Variants in PRKD1 observed in about 807,000 individuals in gnomAD.
PRKD1 encodes protein kinase D1.
In PRKD1, 63 loss-of-function variants were observed where a neutral mutation model predicts 95.9. The ratio of observed to expected loss-of-function variants is 0.66; its 90% CI spans 0.54 to 0.81. The LOEUF (loss-of-function observed/expected upper bound fraction) is 0.81, where lower values mean the gene tolerates loss of function less well. PRKD1 is among the 30% of genes least tolerant of loss of function. PRKD1 has a pLI of 0.00. For synonymous variants in PRKD1, 425 were observed against 423.1 expected (o/e 1.00, Z -0.05); for missense variants, 1,048 against 1,165.3 (o/e 0.90, Z 1.47).
intron 1 of PRKD1, among the ~76,000 whole-genome samples, chr14:29,727,586 G>C (rs997613318): frequency 6.6e-6 from 1 of 150,778 alleles, no homozygotes; most frequent in African/African-American, 2.4e-5. Context: ...GTGTAAGGAA[G>C]GGATCCAGTT....
chr14:29,672,202 G>A (rs1042780587), intron 2 of PRKD1, among the ~76,000 whole-genome samples: 1 of 151,960 alleles, frequency 6.6e-6, no homozygotes, highest in African/African-American at 2.4e-5. Flanking sequence ...TTGGCCGGGC[G>A]TGGTGGTGGG....
At chr14:29,900,928 T>G (rs1894296869) in intron 1 of PRKD1, among the ~76,000 whole-genome samples, 1 of 152,190 alleles carries the variant, frequency 6.6e-6, no homozygotes, top group Non-Finnish European at 1.5e-5. Flanking sequence ...GGAAAGCAAT[T>G]TGGAGATTTC....
At chr14:29,606,979 C>A (rs1878021849) in intron 13 of PRKD1, among the ~76,000 whole-genome samples, 1 of 152,158 alleles carries the variant, frequency 6.6e-6, no homozygotes, top group Non-Finnish European at 1.5e-5. Flanking sequence ...TATCTAAACT[C>A]TCTGAGGTGC....
At chr14:29,633,324 A>G (rs1880153215) in intron 8 of PRKD1, among the ~76,000 whole-genome samples, 1 of 152,236 alleles carries the variant, frequency 6.6e-6, no homozygotes, top group Non-Finnish European at 1.5e-5. Context: ...TGCAATGTTT[A>G]TTATGCATGC....
intron 2 of PRKD1, among the ~76,000 whole-genome samples, chr14:29,723,012 G>C (rs2139387473): frequency 6.6e-6 from 1 of 152,248 alleles, no homozygotes; most frequent in East Asian, 1.9e-4. Flanking sequence ...GAGAAGAGGA[G>C]TGCTACCAAG....
Position 29,914,195 on chromosome 14 carries a change from G to A in PRKD1, c.264+13054C>T, listed in dbSNP as rs112218437. The stretch of plus-strand genomic sequence containing the variant: ...GAGGAAAGTACAATTAGTCTACGAG[G>A]GAAGTTACGTGTTGGCATTAGCCCT... On this transcript the variant is annotated intron_variant, in intron 1 of 17. Coordinates refer to ENST00000331968, the MANE Select transcript of PRKD1 (RefSeq NM_002742.3). Among the ~76,000 whole-genome samples the A allele has an allele frequency of 1.0e-2, 1,520 of 152,270 alleles. 21 individuals carry two copies. Among genetic ancestry groups the A allele is most frequent in the African/African-American group, 0.035 (1,437 of 41,552 alleles).
chr14:29,632,999 C>T (rs1382284667), intron 8 of PRKD1, 53 bp from the exon 9 acceptor site: 1 of 1,459,490 alleles, frequency 6.9e-7, no homozygotes, highest in Admixed American at 1.7e-5. Flanking sequence ...AAAATATCCC[C>T]AATTGAAAAC....
At chr14:29,860,826 G>A (rs1007912480) in intron 1 of PRKD1, among the ~76,000 whole-genome samples, 2 of 152,034 alleles carry the variant, frequency 1.3e-5, no homozygotes, top group African/African-American at 4.8e-5. Context: ...ATTCCTAAGG[G>A]CACTGGATAA....
At chr14:29,660,930 A>T (rs573733352) in intron 4 of PRKD1, among the ~76,000 whole-genome samples, 1 of 152,220 alleles carries the variant, frequency 6.6e-6, no homozygotes, top group South Asian at 2.1e-4. Context: ...AAAAAAAAAA[A>T]TCCATGCCCA....
chr14:29,902,135 T>C (rs879708721), intron 1 of PRKD1, among the ~76,000 whole-genome samples: 1 of 152,020 alleles, frequency 6.6e-6, no homozygotes, highest in Non-Finnish European at 1.5e-5. Context: ...GACACACACC[T>C]GGAATCCCAG....
Position 29,714,404 on chromosome 14 carries a change from T to C in PRKD1, c.403+11132A>G, listed in dbSNP as rs189633310. ...AGAGAAATGCAAATCAAAACCACAA[T>C]GAGATACCATCTCACACCAGTTAGA... On this transcript the variant is annotated intron_variant, in intron 2 of 17. Transcript: ENST00000331968. Among the ~76,000 whole-genome samples, 56 of 152,244 alleles carry C rather than the reference T, an allele frequency of 3.7e-4. 1 individual carries two copies. In the East Asian group the frequency reaches 0.011, roughly 29 times the overall value.
intron 1 of PRKD1, among the ~76,000 whole-genome samples, chr14:29,788,284 ATTAC>A (rs1389633793): frequency 1.3e-5 from 2 of 152,118 alleles, no homozygotes; most frequent in African/African-American, 4.8e-5. Flanking sequence ...GAAATCCACT[ATTAC>A]TCTGATGGGG....
chr14:29,679,949 T>C (rs1384114626), intron 2 of PRKD1, among the ~76,000 whole-genome samples: 4 of 151,828 alleles, frequency 2.6e-5, no homozygotes, highest in Non-Finnish European at 5.9e-5. Context: ...ATTTCTTAGG[T>C]AGAAACACAG....
chr14:29,876,055 A>G (rs1012788812), intron 1 of PRKD1, among the ~76,000 whole-genome samples: 1 of 152,184 alleles, frequency 6.6e-6, no homozygotes, highest in African/African-American at 2.4e-5. Context: ...CAGGAGAAGA[A>G]CCCTATCTCA....
At chr14:29,736,868 GAGTAGCTGAA>G (rs1413513877) in intron 1 of PRKD1, among the ~76,000 whole-genome samples, 1 of 152,162 alleles carries the variant, frequency 6.6e-6, no homozygotes, top group Non-Finnish European at 1.5e-5. Flanking sequence ...ATGTTTTAAT[GAGTAGCTGAA>G]ATGTGACCTG....
At chr14:29,791,513 T>G (rs1361438898) in intron 1 of PRKD1, among the ~76,000 whole-genome samples, 1 of 152,196 alleles carries the variant, frequency 6.6e-6, no homozygotes, top group African/African-American at 2.4e-5. Flanking sequence ...AGACAACCAC[T>G]GATCTGCTTT....
At chr14:29,798,847 T>C (rs1889916890) in intron 1 of PRKD1, among the ~76,000 whole-genome samples, 1 of 152,204 alleles carries the variant, frequency 6.6e-6, no homozygotes, top group Non-Finnish European at 1.5e-5. Context: ...TCAATAATCT[T>C]CCACATCACT....
intron 1 of PRKD1, among the ~76,000 whole-genome samples, chr14:29,793,076 C>G (rs1433721705): frequency 2.0e-5 from 3 of 151,844 alleles, no homozygotes; most frequent in Non-Finnish European, 2.9e-5. Context: ...ATTAGTGCTG[C>G]CAAAATTGGA....
intron 1 of PRKD1, among the ~76,000 whole-genome samples, chr14:29,831,874 T>C (rs776510862): frequency 2.6e-5 from 4 of 152,172 alleles, no homozygotes; most frequent in Non-Finnish European, 5.9e-5. Flanking sequence ...TTAGATATCA[T>C]AAGTATGTTG....
Sources: allele counts gnomAD v4.1 joint callset (sites outside exome capture counted in the v4.1 genomes callset), GRCh38; gene constraint gnomAD v4.1.1; transcripts MANE v1.5; gene names NCBI Gene and HGNC (gene_info 2026-07-23, HGNC 2026-07-21).